BCAS3: variants seen among roughly 807,000 people sequenced by gnomAD.
BCAS3 encodes BCAS3 microtubule associated cell migration factor.
In BCAS3, 53 loss-of-function variants were observed where a neutral mutation model predicts 116.1. The observed-to-expected ratio is 0.46, with a 90% CI of 0.37 to 0.57. The LOEUF (loss-of-function observed/expected upper bound fraction) is 0.57. Ranked by LOEUF, BCAS3 falls within the 20% of genes least tolerant of loss-of-function variation. The pLI is 0.00. For synonymous variants in BCAS3, 391 were observed against 408.2 expected (o/e 0.96, Z 0.51); for missense variants, 917 against 1,165.4 (o/e 0.79, Z 3.10).
chr17:61,201,451 G>T (rs1269715104), intron 22 of BCAS3, among the ~76,000 whole-genome samples: 5 of 152,258 alleles, frequency 3.3e-5, no homozygotes, highest in Non-Finnish European at 7.3e-5. Flanking sequence ...AACATGAGCT[G>T]TGAGCAACAT....
Position 61,171,545 on chromosome 17 carries a change from A to G in BCAS3, c.2425+86981A>G, listed in dbSNP as rs915266849. Among the ~76,000 whole-genome samples, 2 of 152,246 alleles carry G rather than the reference A, an allele frequency of 1.3e-5. No homozygotes were observed. Among genetic ancestry groups the G allele is most frequent in the Admixed American group, 6.5e-5 (1 of 15,292 alleles). On this transcript the variant is annotated intron_variant, in intron 22 of 23. Transcript: ENST00000407086. This position sits in a 1 kb window ranked among gnomAD's most constrained non-coding sequence, Gnocchi z 4.1. ...CAAGAATCACCTACATCTTGCCCAT[A>G]AAAATCTCACCTAAATATAAAGACA...
At chr17:60,707,031 G>T (rs2037242678) in intron 4 of BCAS3, among the ~76,000 whole-genome samples, 1 of 151,426 alleles carries the variant, frequency 6.6e-6, no homozygotes, top group Non-Finnish European at 1.5e-5. Context: ...TGCTCTTGTT[G>T]CCCAGGCTGG....
intron 7 of BCAS3, chr17:60,821,904 G>C (rs1251232148): frequency 6.6e-6 from 1 of 152,112 alleles, no homozygotes; most frequent in African/African-American, 2.4e-5. Flanking sequence ...TTAAACTCCT[G>C]AGCTCATGTA....
At chr17:61,163,326 AG>A (rs1186762157) in intron 22 of BCAS3, among the ~76,000 whole-genome samples, 7 of 27,230 alleles carry the variant, frequency 2.6e-4, no homozygotes, top group Non-Finnish European at 2.3e-3. Flanking sequence ...GGGGAGGCTG[AG>A]GCAGGAGAAT....
chr17:60,898,668 T>C (rs1425757650), intron 10 of BCAS3, among the ~76,000 whole-genome samples: 1 of 152,186 alleles, frequency 6.6e-6, no homozygotes, highest in African/African-American at 2.4e-5. Flanking sequence ...ACAAGTGGGC[T>C]GATTGTTGGT....
At chr17:61,246,545 G>A (rs528623406) in intron 22 of BCAS3, among the ~76,000 whole-genome samples, 1 of 143,532 alleles carries the variant, frequency 7.0e-6, no homozygotes, top group African/African-American at 2.6e-5. Flanking sequence ...TTTTACTTCC[G>A]CAACCAACCA....
intron 22 of BCAS3, among the ~76,000 whole-genome samples, chr17:61,221,948 G>C (rs2082135136): frequency 6.6e-6 from 1 of 152,198 alleles, no homozygotes; most frequent in South Asian, 2.1e-4. Context: ...TCATAAGTTT[G>C]TTGGGGATTA....
In BCAS3 at chr17:61,026,631, A is replaced by AG. The variant is rs1455164564; in HGVS notation, c.1638-8030dup. On this transcript the variant is annotated intron_variant, in intron 16 of 23. Coordinates refer to ENST00000407086, the MANE Select transcript of BCAS3 (RefSeq NM_017679.5). The surrounding 1 kb of genome is among the most constrained non-coding windows in gnomAD (Gnocchi z 5.0). ...AAATACTACAGGGGTGCTCCAGAAA[A>AG]GGGGGAGAAATAGAAAATTTTGAAT... 6.6e-6 allele frequency among the ~76,000 whole-genome samples: 1 copy of AG among 151,974 alleles called. No individual in the cohort carries two copies.
chr17:60,963,003 CCTT>C (rs2061483573), intron 14 of BCAS3, among the ~76,000 whole-genome samples: 1 of 152,284 alleles, frequency 6.6e-6, no homozygotes, highest in South Asian at 2.1e-4. Context: ...TGTTCTTTTA[CCTT>C]CTTATGTTCT....
intron 14 of BCAS3, among the ~76,000 whole-genome samples, chr17:60,987,314 G>T (rs1311992881): frequency 6.7e-6 from 1 of 149,722 alleles, no homozygotes; most frequent in African/African-American, 2.5e-5. Flanking sequence ...GATAGCTTTG[G>T]TTATTCTGGG....
chr17:61,237,039 T>C (rs1400360620), intron 22 of BCAS3, among the ~76,000 whole-genome samples: 1 of 152,216 alleles, frequency 6.6e-6, no homozygotes, highest in Non-Finnish European at 1.5e-5. Flanking sequence ...TAAAAAGTTA[T>C]CTTTTTTACA....
chr17:61,159,767 G>A (rs1202933605), intron 22 of BCAS3, among the ~76,000 whole-genome samples: 1 of 152,120 alleles, frequency 6.6e-6, no homozygotes, highest in East Asian at 1.9e-4. Flanking sequence ...TACCTGTAAT[G>A]TAACATTCAA....
At chr17:60,946,037 G>A (rs546018595) in intron 13 of BCAS3, among the ~76,000 whole-genome samples, 2 of 151,936 alleles carry the variant, frequency 1.3e-5, no homozygotes, top group African/African-American at 4.8e-5. Context: ...GAAGAATGGC[G>A]TGAACCTGGG....
At position 61,063,459 on chromosome 17, in the gene BCAS3, G is replaced by A. The variant is rs139240896; in HGVS notation, c.2030-11461G>A. Among the ~76,000 whole-genome samples, 87 of 152,004 alleles carry A rather than the reference G, an allele frequency of 5.7e-4. No individual in the cohort carries two copies. The highest frequency in any genetic ancestry group is 1.9e-3 in the African/African-American group (80 of 41,468). On this transcript the variant is annotated intron_variant, in intron 19 of 23. Coordinates refer to ENST00000407086, the MANE Select transcript of BCAS3 (RefSeq NM_017679.5). This position sits in a 1 kb window ranked among gnomAD's most constrained non-coding sequence, Gnocchi z 5.3. ...AATTTTTTATATTTTTAGTAGAGAC[G>A]GAGTTTCACCATGTTAGCCAGGATG...
In BCAS3 at chr17:61,307,324, A is replaced by T. The variant is rs2053931166; in HGVS notation, c.2426-61003A>T. Among the ~76,000 whole-genome samples, 1 of 152,188 alleles carries T rather than the reference A, an allele frequency of 6.6e-6. No homozygotes were observed. The highest frequency in any genetic ancestry group is 2.4e-5 in the African/African-American group (1 of 41,440). ...TAATTTACTTTTTGGGGAACGAAAA[A>T]AACTACCTGTAATTTTTCCTGTCTA... On this transcript the variant is annotated intron_variant, in intron 22 of 23. Coordinates refer to ENST00000407086, the MANE Select transcript of BCAS3 (RefSeq NM_017679.5). This position sits in a 1 kb window ranked among gnomAD's most constrained non-coding sequence, Gnocchi z 4.7.
intron 16 of BCAS3, among the ~76,000 whole-genome samples, chr17:61,027,903 C>T (rs900130654): frequency 6.6e-6 from 1 of 151,650 alleles, no homozygotes; most frequent in Non-Finnish European, 1.5e-5. Flanking sequence ...GGAAAAATAC[C>T]GTGTTTCAAA....
In BCAS3 at chr17:60,835,666, G is replaced by GA. The variant is rs751933440; in HGVS notation, c.476+27593dup. On this transcript the variant is annotated intron_variant, in intron 7 of 23. Coordinates refer to ENST00000407086, the MANE Select transcript of BCAS3 (RefSeq NM_017679.5). ...GCCATGGTTGCTGCAATAAAAGAAA[G>GA]AAAGAGAGGCTTTCCTGTATAAAGT... Among the ~76,000 whole-genome samples, 6 of 152,158 alleles carry GA rather than the reference G, an allele frequency of 3.9e-5. No homozygotes were observed. In the East Asian group the frequency reaches 9.6e-4, roughly 24 times the overall value.
At chr17:61,047,402 A>G (rs2068452951) in intron 19 of BCAS3, among the ~76,000 whole-genome samples, 1 of 152,060 alleles carries the variant, frequency 6.6e-6, no homozygotes, top group Admixed American at 6.6e-5. Flanking sequence ...ATTAATTTAT[A>G]TATGCCAACT....
At chr17:60,707,994 G>C (rs1050141505) in intron 4 of BCAS3, among the ~76,000 whole-genome samples, 1 of 152,040 alleles carries the variant, frequency 6.6e-6, no homozygotes, top group Non-Finnish European at 1.5e-5. Context: ...GCCTCAGAAC[G>C]ATTTGGTGCT....
Sources: gnomAD v4.1 joint callset for allele counts (sites outside exome capture counted in the v4.1 genomes callset) on GRCh38, gnomAD v4.1.1 for gene constraint, Gnocchi (gnomAD v3.1) non-coding constraint, MANE v1.5 for transcripts, NCBI Gene and HGNC (gene_info 2026-07-23, HGNC 2026-07-21) for gene names.